The following CNTNAP2 variants were observed in gnomAD, a reference collection of about 807,000 sequenced individuals.
The protein encoded by CNTNAP2 is contactin-associated protein-like 2.
In CNTNAP2, 98 loss-of-function variants were observed where a neutral mutation model predicts 155.2. The observed-to-expected ratio is 0.63, with a 90% CI of 0.54 to 0.75. The LOEUF (loss-of-function observed/expected upper bound fraction) is 0.75, where lower values mean the gene tolerates loss of function less well. CNTNAP2 is among the 30% of genes least tolerant of loss of function. The probability of loss-of-function intolerance (pLI) is 0.00; values close to 1 mark genes in which losing one functional copy is unlikely to be tolerated. For missense variants in CNTNAP2, 1,727 were observed against 1,688.1 expected, an observed-to-expected ratio of 1.02 and a Z score of -0.40; for synonymous variants, 651 against 631.2, an observed-to-expected ratio of 1.03 and a Z score of -0.47.
chr7:148,317,648 G>A (rs1189714026), intron 21 of CNTNAP2, among the ~76,000 whole-genome samples: 1 of 152,140 alleles, frequency 6.6e-6, no homozygotes, highest in Admixed American at 6.5e-5. Flanking sequence ...ACCTCCTAGA[G>A]TTCACAGCAC....
At chr7:147,205,295 T>A (rs186684823) in intron 8 of CNTNAP2, among the ~76,000 whole-genome samples, 1 of 152,254 alleles carries the variant, frequency 6.6e-6, no homozygotes. Flanking sequence ...TGTCTTTGAG[T>A]GCCCATCAAC....
chr7:147,538,390 G>A (rs555291728), intron 11 of CNTNAP2, among the ~76,000 whole-genome samples: 90 of 152,214 alleles, frequency 5.9e-4, no homozygotes, highest in African/African-American at 2.1e-3. Context: ...AGTGACTCAC[G>A]CCTGTAATTC....
intron 1 of CNTNAP2, among the ~76,000 whole-genome samples, chr7:146,358,376 T>C (rs67165780): frequency 1.3e-5 from 2 of 152,056 alleles, no homozygotes; most frequent in Non-Finnish European, 2.9e-5. Context: ...GATATAGATA[T>C]AAAGTAAAAC....
intron 1 of CNTNAP2, among the ~76,000 whole-genome samples, chr7:146,272,953 T>G: frequency 6.7e-6 from 1 of 149,980 alleles, no homozygotes; most frequent in African/African-American, 2.5e-5. Flanking sequence ...GAAGGAGGAG[T>G]TCACCAAGAA....
chr7:147,612,951 G>A (rs1057091559), intron 12 of CNTNAP2, among the ~76,000 whole-genome samples: 10 of 151,974 alleles, frequency 6.6e-5, no homozygotes, highest in African/African-American at 2.4e-4. Flanking sequence ...TTGTCGGCTG[G>A]CCTTTTATGT....
intron 1 of CNTNAP2, among the ~76,000 whole-genome samples, chr7:146,289,799 A>G (rs1390222077): frequency 1.3e-5 from 2 of 152,230 alleles, no homozygotes; most frequent in Non-Finnish European, 2.9e-5. Flanking sequence ...GCAGAAACAT[A>G]CAAAGGTGAG....
rs559864273 is a variant in CNTNAP2 at position 148,061,318 on chromosome 7, G to A, written c.2384-56800G>A. Among the ~76,000 whole-genome samples, 97 of 152,244 alleles carry A rather than the reference G, an allele frequency of 6.4e-4. No individual in the cohort carries two copies. The South Asian group carries it at 9.7e-3, about 15-fold the overall frequency. ...ATTAACTTTAGACTTTCTTAAGTAT[G>A]TAAGATAGAATTCCAAAGTGCCCAC... On this transcript the variant is annotated intron_variant, in intron 15 of 23. Coordinates refer to ENST00000361727, the MANE Select transcript of CNTNAP2 (RefSeq NM_014141.6).
At chr7:147,317,928 C>T (rs1334624733) in intron 9 of CNTNAP2, among the ~76,000 whole-genome samples, 3 of 151,530 alleles carry the variant, frequency 2.0e-5, no homozygotes, top group Non-Finnish European at 4.4e-5. Flanking sequence ...TTCTTCTTAC[C>T]TAGTTTTGTA....
At chr7:146,999,671 GT>G (rs149036985) in intron 3 of CNTNAP2, among the ~76,000 whole-genome samples, 1 of 151,866 alleles carries the variant, frequency 6.6e-6, no homozygotes, top group African/African-American at 2.4e-5. Flanking sequence ...TTTGTTGACA[GT>G]TTTTTCCCCC....
chr7:147,138,136 G>A (rs905791310), intron 8 of CNTNAP2, among the ~76,000 whole-genome samples: 18 of 151,444 alleles, frequency 1.2e-4, no homozygotes, highest in African/African-American at 4.1e-4. Context: ...AAAAATTTCC[G>A]GTAAAGGCAA....
Position 148,101,009 on chromosome 7 carries a change from T to G in CNTNAP2, c.2384-17109T>G, listed in dbSNP as rs192829446. 1.3e-3 allele frequency among the ~76,000 whole-genome samples: 199 copies of G among 151,858 alleles called. 1 individual carries two copies. Among genetic ancestry groups the G allele is most frequent in the African/African-American group, 4.6e-3 (191 of 41,424 alleles). ...CATGGATGAAACTGGAAACCATCAT[T>G]CTCAGCAAACTATTGCAAGGACTAA... On this transcript the variant is annotated intron_variant, in intron 15 of 23. Coordinates refer to ENST00000361727, the MANE Select transcript of CNTNAP2 (RefSeq NM_014141.6).
intron 2 of CNTNAP2, among the ~76,000 whole-genome samples, chr7:146,815,754 T>C (rs985241636): frequency 3.5e-5 from 5 of 144,558 alleles, no homozygotes. Flanking sequence ...TAGTAAAGGA[T>C]ATAGAGCACT....
chr7:147,507,948 T>A (rs887838377), intron 11 of CNTNAP2, among the ~76,000 whole-genome samples: 1 of 152,140 alleles, frequency 6.6e-6, no homozygotes, highest in African/African-American at 2.4e-5. Context: ...CTCAGTATAC[T>A]TCCTGGGCTT....
chr7:146,286,966 C>T (rs533589232), intron 1 of CNTNAP2, among the ~76,000 whole-genome samples: 26 of 152,146 alleles, frequency 1.7e-4, no homozygotes, highest in Admixed American at 5.2e-4. Context: ...GGAACAAACA[C>T]AAATTCCCCC....
In CNTNAP2 at chr7:148,254,504, C is replaced by T. The variant is rs562803217; in HGVS notation, c.3382-12529C>T. On this transcript the variant is annotated intron_variant, in intron 20 of 23. Transcript: ENST00000361727. The stretch of plus-strand genomic sequence containing the variant: ...TTTAATTAAAAACTTAGGCCATGCA[C>T]GTTGGCTCATACCTATAATCCCAGC... Among the ~76,000 whole-genome samples, 86 of 152,252 alleles carry T rather than the reference C, an allele frequency of 5.6e-4. 1 individual carries two copies. The highest frequency in any genetic ancestry group is 1.9e-3 in the Admixed American group (29 of 15,302).
Position 147,652,221 on chromosome 7 carries a change from G to T in CNTNAP2, c.2098+12915G>T, listed in dbSNP as rs192902887. On this transcript the variant is annotated intron_variant, in intron 13 of 23. Coordinates refer to ENST00000361727, the MANE Select transcript of CNTNAP2 (RefSeq NM_014141.6). The stretch of plus-strand genomic sequence containing the variant: ...TGCTTACAATTTACCAACACCAGTG[G>T]CTGGGTAAATAGTTTTTATAGGACA... Among the ~76,000 whole-genome samples the T allele has an allele frequency of 5.5e-4, 83 of 152,252 alleles. 1 individual carries two copies. Among genetic ancestry groups the T allele is most frequent in the Admixed American group, 2.3e-3 (35 of 15,298 alleles).
At chr7:146,862,099 C>A (rs190298454) in intron 3 of CNTNAP2, among the ~76,000 whole-genome samples, 2 of 152,082 alleles carry the variant, frequency 1.3e-5, no homozygotes, top group African/African-American at 2.4e-5. Context: ...TAGATGCAGG[C>A]GCGGTCGATG....
intron 1 of CNTNAP2, among the ~76,000 whole-genome samples, chr7:146,309,647 C>T (rs947999299): frequency 1.3e-5 from 2 of 151,754 alleles, no homozygotes; most frequent in African/African-American, 4.8e-5. Context: ...ACTGAAAATA[C>T]AAAAATTAAT....
At chr7:148,405,761 G>A (rs80344241) in intron 22 of CNTNAP2, among the ~76,000 whole-genome samples, 10 of 151,062 alleles carry the variant, frequency 6.6e-5, no homozygotes, top group Non-Finnish European at 1.2e-4. Context: ...GACTACAGGC[G>A]CACGCCATCA....
Sources: gnomAD v4.1 joint callset for allele counts (sites outside exome capture counted in the v4.1 genomes callset) on GRCh38, gnomAD v4.1.1 for gene constraint, MANE v1.5 for transcripts, NCBI Gene and HGNC (gene_info 2026-07-23, HGNC 2026-07-21) for gene names.